ABL1: variants seen among roughly 807,000 people sequenced by gnomAD.
ABL1 encodes ABL proto-oncogene 1, non-receptor tyrosine kinase.
ABL1 carries 11 observed loss-of-function variants against 94.7 expected under a neutral mutation model. That is an observed-to-expected ratio of 0.12 (90% confidence interval 0.07 to 0.19). ABL1 has a LOEUF of 0.19. Among genes scored for constraint, ABL1 ranks in the 10% least tolerant of loss-of-function variants. The probability of loss-of-function intolerance (pLI) is 1.00; values close to 1 mark genes in which losing one functional copy is unlikely to be tolerated. For synonymous variants in ABL1, 656 were observed against 622.4 expected (o/e 1.05, Z -0.80); for missense variants, 1,082 against 1,489.4 (o/e 0.73, Z 4.50).
At chr9:130,735,749 C>T (rs1233239706) in intron 1 of ABL1, among the ~76,000 whole-genome samples, 1 of 151,328 alleles carries the variant, frequency 6.6e-6, no homozygotes, top group African/African-American at 2.4e-5. Context: ...ATATGATAAA[C>T]AGTGCTTCAG....
chr9:130,796,648 C>CTAGT (rs1829976836), intron 1 of ABL1, among the ~76,000 whole-genome samples: 1 of 151,930 alleles, frequency 6.6e-6, no homozygotes, highest in Admixed American at 6.6e-5. Flanking sequence ...ACTAAATCAG[C>CTAGT]TAGTTCATAA....
intron 1 of ABL1, among the ~76,000 whole-genome samples, chr9:130,760,022 G>A (rs1832091419): frequency 1.4e-5 from 2 of 139,250 alleles, no homozygotes; most frequent in Non-Finnish European, 3.0e-5. Flanking sequence ...GTCCAGGCTG[G>A]CCTCTAACTC....
intron 1 of ABL1, among the ~76,000 whole-genome samples, chr9:130,746,749 G>T (rs1042380883): frequency 6.6e-6 from 1 of 151,874 alleles, no homozygotes; most frequent in African/African-American, 2.4e-5. Flanking sequence ...AAGCATTTCT[G>T]TACTGTTTTT....
At chr9:130,793,240 T>C (rs914549442) in intron 1 of ABL1, among the ~76,000 whole-genome samples, 1 of 152,226 alleles carries the variant, frequency 6.6e-6, no homozygotes, top group Non-Finnish European at 1.5e-5. Flanking sequence ...GTAATACTTT[T>C]TAATCAGCCA....
chr9:130,865,474 C>T (rs1405689211), intron 4 of ABL1, among the ~76,000 whole-genome samples: 3 of 152,184 alleles, frequency 2.0e-5, no homozygotes, highest in Non-Finnish European at 1.5e-5. Flanking sequence ...TTGCCAGGCA[C>T]GGTGGCTTAC....
At chr9:130,859,104 C>T (rs1831020537) in intron 3 of ABL1, among the ~76,000 whole-genome samples, 1 of 152,220 alleles carries the variant, frequency 6.6e-6, no homozygotes. Flanking sequence ...TTGTAACCCT[C>T]TGTTGACATA....
chr9:130,828,861 C>A (rs1435299283), intron 1 of ABL1, among the ~76,000 whole-genome samples: 1 of 152,062 alleles, frequency 6.6e-6, no homozygotes, highest in East Asian at 1.9e-4. Flanking sequence ...GGAAAAATTT[C>A]AGAGTTTAGT....
intron 1 of ABL1, among the ~76,000 whole-genome samples, chr9:130,827,374 A>G (rs998083009): frequency 2.0e-5 from 3 of 152,198 alleles, no homozygotes; most frequent in Admixed American, 1.3e-4. Flanking sequence ...CGAGTTTACC[A>G]TCTCCTTTCA....
Position 130,863,717 on chromosome 9 carries a change from G to C in ABL1, c.822+682G>C, listed in dbSNP as rs1001738209. Among the ~76,000 whole-genome samples the C allele has an allele frequency of 6.6e-6, 1 of 152,192 alleles. No homozygotes were observed. Among genetic ancestry groups the C allele is most frequent in the Admixed American group, 6.5e-5 (1 of 15,286 alleles). On this transcript the variant is annotated intron_variant, in intron 4 of 10. Coordinates refer to ENST00000318560, the MANE Select transcript of ABL1 (RefSeq NM_005157.6). This position sits in a 1 kb window ranked among gnomAD's most constrained non-coding sequence, Gnocchi z 4.3. ...TTCTTTGAAACCCTTAGGACGCCAA[G>C]GGAAGGAAGTTTTCATTTTCAGCCC...
At chr9:130,847,017 C>T (rs1039782424) in intron 1 of ABL1, among the ~76,000 whole-genome samples, 3 of 151,924 alleles carry the variant, frequency 2.0e-5, no homozygotes, top group Non-Finnish European at 2.9e-5. Context: ...TTTATACTGT[C>T]ATAGACAGAG....
chr9:130,830,993 A>G (rs570268611), upstream of ABL1, among the ~76,000 whole-genome samples: 2 of 152,368 alleles, frequency 1.3e-5, no homozygotes, highest in African/African-American at 4.8e-5. Context: ...AAAAACTGGT[A>G]TGACAGAAGT....
intron 1 of ABL1, among the ~76,000 whole-genome samples, chr9:130,728,229 G>GGTTTTTTTTTTTT (rs1412533462): frequency 2.7e-5 from 2 of 74,698 alleles, no homozygotes; most frequent in South Asian, 9.6e-4. Flanking sequence ...ATGTCCAGCT[G>GGTTTTTTTTTTTT]ATTTTTTTTT....
intron 1 of ABL1, among the ~76,000 whole-genome samples, chr9:130,744,936 ATTGGT>A (rs1341254279): frequency 6.6e-6 from 1 of 151,850 alleles, no homozygotes; most frequent in African/African-American, 2.4e-5. Flanking sequence ...TTACAATAGG[ATTGGT>A]GGCCTAATGA....
chr9:130,838,442 C>T (rs534723601), intron 1 of ABL1, among the ~76,000 whole-genome samples: 55 of 152,212 alleles, frequency 3.6e-4, no homozygotes, highest in Middle Eastern at 3.4e-3. Context: ...TATAAAAATA[C>T]TTGTATGTAA....
At chr9:130,716,041 CAT>C (rs1294418911) in intron 1 of ABL1, among the ~76,000 whole-genome samples, 21 of 142,392 alleles carry the variant, frequency 1.5e-4, no homozygotes, top group African/African-American at 4.1e-4. Context: ...CACACACACA[CAT>C]ATATATCCAC....
In ABL1 at chr9:130,880,743, G is replaced by T; in HGVS notation, c.1678+79G>T. 1 of 1,522,608 alleles carries T rather than the reference G, an allele frequency of 6.6e-7. No homozygotes were observed. The highest frequency in any genetic ancestry group is 2.3e-5 in the East Asian group (1 of 43,080). The allele number at this position is 1,522,608 out of a possible 1,614,324, so 94.3% of individuals were successfully genotyped here. A position where few individuals can be genotyped will look rare whatever the true frequency, so the allele number is the denominator to read the frequency against. On this transcript the variant is annotated intron_variant, in intron 10 of 10. Transcript: ENST00000318560. The surrounding 1 kb of genome is among the most constrained non-coding windows in gnomAD (Gnocchi z 4.4). ...TACATTCAGGCCATCATAGGCCAAC[G>T]GGAAGCTGTGAATGGAGCCCGCACA... is the stretch of plus-strand genomic sequence containing the variant.
intron 4 of ABL1, among the ~76,000 whole-genome samples, chr9:130,869,371 C>A (rs1045860013): frequency 6.6e-6 from 1 of 152,236 alleles, no homozygotes; most frequent in African/African-American, 2.4e-5. Flanking sequence ...CCAGGAACTG[C>A]TCTTGGCACT....
At chr9:130,852,403 G>A (rs1024206853) in intron 1 of ABL1, among the ~76,000 whole-genome samples, 4 of 152,014 alleles carry the variant, frequency 2.6e-5, no homozygotes, top group Admixed American at 6.6e-5. Context: ...GGGTTTCACC[G>A]TGTTGCCCAG....
In ABL1 at chr9:130,875,445, C is replaced by G. The variant is rs1420246627; in HGVS notation, c.1270+393C>G. ...GGTGTGAGCCACTGTGCACAGCCAC[C>G]CTTTTTTTTTTTTTTTTAACTGTGT... On this transcript the variant is annotated intron_variant, in intron 7 of 10. Coordinates refer to ENST00000318560, the MANE Select transcript of ABL1 (RefSeq NM_005157.6). 3.0e-5 allele frequency among the ~76,000 whole-genome samples: 4 copies of G among 132,142 alleles called. No individual in the cohort carries two copies. In the South Asian group the frequency reaches 8.8e-4, roughly 29 times the overall value. 86.7% of individuals were successfully genotyped at this position (132,142 alleles called of 152,430 possible).
Sources: allele counts gnomAD v4.1 joint callset (sites outside exome capture counted in the v4.1 genomes callset), GRCh38; gene constraint gnomAD v4.1.1; non-coding constraint Gnocchi (gnomAD v3.1); transcripts MANE v1.5; gene names NCBI Gene and HGNC (gene_info 2026-07-23, HGNC 2026-07-21).